TMEM232: variants seen among roughly 807,000 people sequenced by gnomAD.
TMEM232 encodes transmembrane protein 232.
TMEM232 carries 80 observed loss-of-function variants against 78.8 expected under a neutral mutation model. The ratio of observed to expected loss-of-function variants is 1.01; its 90% confidence interval spans 0.85 to 1.22. The LOEUF (loss-of-function observed/expected upper bound fraction) is 1.22, where lower values mean the gene tolerates loss of function less well. TMEM232 is among the 50% of genes most tolerant of loss of function. The pLI is 0.00. For synonymous variants in TMEM232, 297 were observed against 254.3 expected (o/e 1.17, Z -1.60); for missense variants, 881 against 742.2 (o/e 1.19, Z -2.17).
rs182546217 is a variant in TMEM232, at chr5:110,673,605, T to C, written c.-12-6241A>G. Among the ~76,000 whole-genome samples, 118 of 152,314 alleles carry C rather than the reference T, an allele frequency of 7.7e-4. 1 individual carries two copies. Among genetic ancestry groups the C allele is most frequent in the Non-Finnish European group, 1.2e-3 (82 of 68,024 alleles). The stretch of plus-strand genomic sequence containing the variant: ...GCATGGAGCAATTCAATTCACCTAG[T>C]AGAACCCAGCAGCTCCCAGCCTGTG... On this transcript the variant is annotated intron_variant, in intron 1 of 13. Coordinates refer to ENST00000455884, the MANE Select transcript of TMEM232 (RefSeq NM_001039763.4).
At chr5:110,596,253 A>G (rs1780148498) in intron 10 of TMEM232, among the ~76,000 whole-genome samples, 1 of 152,230 alleles carries the variant, frequency 6.6e-6, no homozygotes, top group African/African-American at 2.4e-5. Context: ...CAAATAAACT[A>G]GAAAATCTAG....
intron 12 of TMEM232, among the ~76,000 whole-genome samples, chr5:110,465,204 G>A (rs775231968): frequency 6.6e-6 from 1 of 152,234 alleles, no homozygotes; most frequent in Non-Finnish European, 1.5e-5. Flanking sequence ...AGATTAGACT[G>A]TTTAGAAAGC....
chr5:110,509,968 T>C (rs1767525487), intron 12 of TMEM232, among the ~76,000 whole-genome samples: 1 of 152,202 alleles, frequency 6.6e-6, no homozygotes, highest in Admixed American at 6.6e-5. Flanking sequence ...AATCCTCTTT[T>C]ATTTTCTTCT....
chr5:110,482,964 T>C (rs957463036), intron 12 of TMEM232, among the ~76,000 whole-genome samples: 23 of 150,486 alleles, frequency 1.5e-4, no homozygotes, highest in Non-Finnish European at 8.8e-5. Context: ...CAGACACTAA[T>C]TTGAATCAAC....
At chr5:110,399,149 C>T (rs1337917153) in intron 2 of TMEM232, among the ~76,000 whole-genome samples, 1 of 152,000 alleles carries the variant, frequency 6.6e-6, no homozygotes, top group Non-Finnish European at 1.5e-5. Flanking sequence ...AAAAAGCTTA[C>T]ACAGCACAAA....
At chr5:110,397,272 T>C (rs1179751501) in intron 3 of TMEM232, among the ~76,000 whole-genome samples, 1 of 152,146 alleles carries the variant, frequency 6.6e-6, no homozygotes, top group Non-Finnish European at 1.5e-5. Context: ...TTAAATGTTA[T>C]ACCATGAAAA....
At chr5:110,542,713 G>A (rs925820292) in intron 11 of TMEM232, among the ~76,000 whole-genome samples, 4 of 152,176 alleles carry the variant, frequency 2.6e-5, no homozygotes, top group African/African-American at 9.6e-5. Flanking sequence ...AATTCACAAC[G>A]ACTTCCTGGA....
At chr5:110,523,334 A>G (rs1443946862) in intron 12 of TMEM232, among the ~76,000 whole-genome samples, 1 of 151,360 alleles carries the variant, frequency 6.6e-6, no homozygotes, top group African/African-American at 2.5e-5. Flanking sequence ...CTTTTAAAAA[A>G]ACTAACTTTT....
At chr5:110,655,187 T>A (rs1788862899) in intron 2 of TMEM232, among the ~76,000 whole-genome samples, 1 of 151,702 alleles carries the variant, frequency 6.6e-6, no homozygotes, top group South Asian at 2.1e-4. Context: ...GAATCTACAA[T>A]GAACTGAAAC....
chr5:110,657,453 T>G (rs559484180), intron 2 of TMEM232, among the ~76,000 whole-genome samples: 1 of 152,076 alleles, frequency 6.6e-6, no homozygotes, highest in African/African-American at 2.4e-5. Flanking sequence ...ATCCTGTCAT[T>G]TGCAGTAACA....
intron 12 of TMEM232, among the ~76,000 whole-genome samples, chr5:110,515,700 T>C (rs913251237): frequency 4.6e-5 from 7 of 152,220 alleles, no homozygotes; most frequent in African/African-American, 1.7e-4. Context: ...TGGGGCATTA[T>C]AGCACTTACC....
chr5:110,569,918 C>T (rs1776752209), intron 10 of TMEM232, among the ~76,000 whole-genome samples: 1 of 151,898 alleles, frequency 6.6e-6, no homozygotes, highest in African/African-American at 2.4e-5. Flanking sequence ...CTGGTCTAAT[C>T]CTGTCCCATG....
At chr5:110,720,973 C>T (rs1009913396) in intron 1 of TMEM232, 3 of 152,044 alleles carry the variant, frequency 2.0e-5, no homozygotes, top group African/African-American at 7.2e-5. Flanking sequence ...GATGAACATA[C>T]AAAATCTATG....
intron 1 of TMEM232, among the ~76,000 whole-genome samples, chr5:110,697,639 G>T (rs1794952161): frequency 6.6e-6 from 1 of 152,084 alleles, no homozygotes; most frequent in South Asian, 2.1e-4. Flanking sequence ...GTAGGCAAAG[G>T]ATATGAACAG....
intron 1 of TMEM232, among the ~76,000 whole-genome samples, chr5:110,692,651 A>C (rs148686336): frequency 0.024 from 3,688 of 152,298 alleles, 47 homozygotes; most frequent in African/African-American, 0.032. Flanking sequence ...CCAGGAGATT[A>C]TATCTCACAC....
intron 11 of TMEM232, among the ~76,000 whole-genome samples, chr5:110,546,691 A>T (rs1422271159): frequency 6.6e-6 from 1 of 152,096 alleles, no homozygotes; most frequent in Non-Finnish European, 1.5e-5. Context: ...CCCTCACTGT[A>T]TAGGTGTTTG....
chr5:110,730,586 G>A (rs1361956935), upstream of TMEM232, among the ~76,000 whole-genome samples: 1 of 152,172 alleles, frequency 6.6e-6, no homozygotes, highest in African/African-American at 2.4e-5. Flanking sequence ...CAGAATCATG[G>A]CGGGAGGTGA....
At chr5:110,679,593 C>T (rs1403491187) in intron 1 of TMEM232, among the ~76,000 whole-genome samples, 1 of 152,018 alleles carries the variant, frequency 6.6e-6, no homozygotes, top group Non-Finnish European at 1.5e-5. Flanking sequence ...AAAGTCATCA[C>T]CATATTCCAG....
At chr5:110,563,388 G>T (rs1258810150) in intron 11 of TMEM232, among the ~76,000 whole-genome samples, 1 of 151,752 alleles carries the variant, frequency 6.6e-6, no homozygotes, top group Non-Finnish European at 1.5e-5. Flanking sequence ...CATATAAATA[G>T]AATTATAATT....
Sources: allele counts gnomAD v4.1 joint callset (sites outside exome capture counted in the v4.1 genomes callset), GRCh38; gene constraint gnomAD v4.1.1; transcripts MANE v1.5; gene names NCBI Gene and HGNC (gene_info 2026-07-23, HGNC 2026-07-21).